Variants in DENND5B observed in about 807,000 individuals in gnomAD.
DENND5B encodes DENN domain-containing protein 5B.
In DENND5B, 34 loss-of-function variants were observed where a neutral mutation model predicts 140.6. That is an observed-to-expected ratio of 0.24 (90% CI 0.18 to 0.32). DENND5B has a LOEUF of 0.32. Among genes scored for constraint, DENND5B ranks in the 10% least tolerant of loss-of-function variants. DENND5B has a pLI of 1.00. For missense variants in DENND5B, 1,142 were observed against 1,560.2 expected (o/e 0.73, Z 4.52); for synonymous variants, 551 against 562.1 (o/e 0.98, Z 0.28).
At chr12:31,463,342 G>A (rs1945109236) in intron 3 of DENND5B, among the ~76,000 whole-genome samples, 2 of 152,084 alleles carry the variant, frequency 1.3e-5, no homozygotes, top group South Asian at 2.1e-4. Flanking sequence ...GTAATTTACA[G>A]TTATAGACTA....
chr12:31,512,385 ATT>A (rs58455943), intron 1 of DENND5B, among the ~76,000 whole-genome samples: 21,542 of 142,190 alleles, frequency 0.15, 1,782 homozygotes, highest in Non-Finnish European at 0.2. Context: ...CCCCTGGCTA[ATT>A]TTTTTTTTTT....
chr12:31,500,813 G>A (rs191828935), intron 1 of DENND5B, among the ~76,000 whole-genome samples: 151 of 152,198 alleles, frequency 9.9e-4, no homozygotes, highest in Admixed American at 1.9e-3. Flanking sequence ...CACTGCTGAT[G>A]AGAATGCAAA....
chr12:31,495,799 A>C lies in DENND5B; in HGVS notation c.237+11T>G. On this transcript the variant is annotated intron_variant, in intron 2 of 20. Coordinates refer to ENST00000389082, the MANE Select transcript of DENND5B (RefSeq NM_144973.4). ...GGCTAAAGAGTAAATGAGGGGAAAA[A>C]AAACACATACCATGTTCACCGCATC... 2 of 1,594,644 alleles carry C rather than the reference A, an allele frequency of 1.3e-6. No homozygotes were observed. The highest frequency in any genetic ancestry group is 1.7e-6 in the Non-Finnish European group (2 of 1,169,780).
At chr12:31,435,707 C>G (rs1338146478) in intron 7 of DENND5B, among the ~76,000 whole-genome samples, 2 of 152,160 alleles carry the variant, frequency 1.3e-5, no homozygotes, top group East Asian at 1.9e-4. Context: ...GTCGCCCAGG[C>G]TGGAGTACAG....
At chr12:31,567,525 TAAA>T (rs35048750) in intron 1 of DENND5B, among the ~76,000 whole-genome samples, 6 of 91,742 alleles carry the variant, frequency 6.5e-5, no homozygotes, top group African/African-American at 1.8e-4. Flanking sequence ...AGACTCTGTC[TAAA>T]AAAAAAAAAA....
chr12:31,565,786 T>A (rs1949605466), intron 1 of DENND5B, among the ~76,000 whole-genome samples: 1 of 152,160 alleles, frequency 6.6e-6, no homozygotes, highest in Non-Finnish European at 1.5e-5. Context: ...GTAATTCATT[T>A]AACGTCTCTA....
intron 1 of DENND5B, among the ~76,000 whole-genome samples, chr12:31,504,053 A>T (rs564506990): frequency 4.0e-4 from 61 of 152,352 alleles, no homozygotes; most frequent in Non-Finnish European, 7.6e-4. Flanking sequence ...CTAGATTACC[A>T]AAGTCCAATT....
intron 20 of DENND5B, among the ~76,000 whole-genome samples, chr12:31,388,321 T>C (rs1396336753): frequency 6.7e-6 from 1 of 149,584 alleles, no homozygotes; most frequent in Non-Finnish European, 1.5e-5. Context: ...ATAAACCAGA[T>C]GAGAGTTTGC....
At chr12:31,411,726 T>C (rs1257493305) in intron 13 of DENND5B, among the ~76,000 whole-genome samples, 2 of 152,144 alleles carry the variant, frequency 1.3e-5, no homozygotes, top group African/African-American at 2.4e-5. Flanking sequence ...CAACACTTCA[T>C]GCTTTATCAA....
chr12:31,402,070 C>CAAAAAA (rs147304148), intron 15 of DENND5B, among the ~76,000 whole-genome samples: 1 of 119,868 alleles, frequency 8.3e-6, no homozygotes. Context: ...GATTCCGTCT[C>CAAAAAA]AAAAAAAAAA....
At chr12:31,395,530 T>G (rs1192259582) in intron 17 of DENND5B, among the ~76,000 whole-genome samples, 1 of 151,902 alleles carries the variant, frequency 6.6e-6, no homozygotes, top group Non-Finnish European at 1.5e-5. Flanking sequence ...GAAGCGGAGG[T>G]TGCAGTGAGA....
intron 3 of DENND5B, among the ~76,000 whole-genome samples, chr12:31,475,289 A>T (rs1945746824): frequency 6.6e-6 from 1 of 152,208 alleles, no homozygotes; most frequent in Non-Finnish European, 1.5e-5. Context: ...TAAATTTTTT[A>T]AAAATCTAGC....
chr12:31,499,616 A>G (rs1387973289), intron 1 of DENND5B: 4 of 1,497,026 alleles, frequency 2.7e-6, no homozygotes, highest in Non-Finnish European at 3.5e-6. Flanking sequence ...CTGAAGTCGT[A>G]TTTGCAGCAC....
At chr12:31,487,897 AC>A (rs1262284254) in intron 2 of DENND5B, among the ~76,000 whole-genome samples, 2 of 152,282 alleles carry the variant, frequency 1.3e-5, no homozygotes, top group Non-Finnish European at 1.5e-5. Context: ...AAGAAAACAA[AC>A]AAAAACAGCT....
chr12:31,585,328 T>C (rs761957876), intron 1 of DENND5B, among the ~76,000 whole-genome samples: 7 of 152,192 alleles, frequency 4.6e-5, no homozygotes, highest in Non-Finnish European at 8.8e-5. Flanking sequence ...CAAGAACCTA[T>C]TGTGAGCCAA....
In DENND5B at chr12:31,590,984, C is replaced by G. The variant is rs1396757716; in HGVS notation, c.-152G>C. The G allele has an allele frequency of 1.1e-6, 1 of 872,590 alleles. No homozygotes were observed. The highest frequency in any genetic ancestry group is 1.8e-5 in the African/African-American group (1 of 54,994). 54.1% of individuals were successfully genotyped at this position (872,590 alleles called of 1,614,324 possible). ...GCGCAGCCGCCTCTCGCCGCCGCAG[C>G]CTGCCTCCTCGCTCGGCGCGGGGGA... On this transcript the variant is annotated 5_prime_UTR_variant, in exon 1 of 21. Coordinates refer to ENST00000389082, the MANE Select transcript of DENND5B (RefSeq NM_144973.4).
intron 8 of DENND5B, chr12:31,432,368 C>A (rs1943547025): frequency 1.3e-5 from 2 of 151,874 alleles, no homozygotes; most frequent in Non-Finnish European, 2.9e-5. Flanking sequence ...ACAACAAAAA[C>A]AAGAGATGTT....
chr12:31,393,319 G>T (rs1441906197), intron 17 of DENND5B, among the ~76,000 whole-genome samples: 1 of 152,136 alleles, frequency 6.6e-6, no homozygotes, highest in Non-Finnish European at 1.5e-5. Flanking sequence ...AAAATAAGGG[G>T]AAGATGCCAG....
intron 3 of DENND5B, among the ~76,000 whole-genome samples, chr12:31,469,226 C>T (rs979183256): frequency 2.0e-5 from 3 of 150,436 alleles, no homozygotes; most frequent in African/African-American, 4.9e-5. Flanking sequence ...CCCAGCTACT[C>T]GGGAGGCTGA....
Sources: allele counts gnomAD v4.1 joint callset (sites outside exome capture counted in the v4.1 genomes callset), GRCh38; gene constraint gnomAD v4.1.1; transcripts MANE v1.5; gene names NCBI Gene and HGNC (gene_info 2026-07-23, HGNC 2026-07-21).